The following NKAIN1 variants were observed in gnomAD, a reference collection of about 807,000 sequenced individuals.
NKAIN1 encodes the protein sodium/potassium transporting ATPase interacting 1, also known as sodium/potassium-transporting ATPase subunit beta-1-interacting protein 1.
A neutral mutation model predicts 31.6 loss-of-function variants in NKAIN1; 13 were observed. The observed-to-expected ratio is 0.41, with a 90% confidence interval of 0.27 to 0.65. The LOEUF is 0.65. Among genes scored for constraint, NKAIN1 ranks in the 30% least tolerant of loss-of-function variants. The pLI is 0.30. For missense variants in NKAIN1, 193 were observed against 262.2 expected (o/e 0.74, Z 1.82); for synonymous variants, 104 against 109.0 (o/e 0.95, Z 0.28).
rs71569969 is a variant in NKAIN1 at position 31,209,989 on chromosome 1, TAA to T, written c.55-21804_55-21803del. On this transcript the variant is annotated intron_variant, in intron 1 of 6. Coordinates refer to ENST00000373736, the MANE Select transcript of NKAIN1 (RefSeq NM_024522.3). ...GCAACAGAGCATGACCCTGTCTTAT[TAA>T]AAAAAAAAAAAAAAGATAAGAATGA... 5.2e-4 allele frequency among the ~76,000 whole-genome samples: 71 copies of T among 137,122 alleles called. 1 individual carries two copies. Among genetic ancestry groups the T allele is most frequent in the Middle Eastern group, 3.8e-3 (1 of 262 alleles). 90.0% of individuals were successfully genotyped at this position (137,122 alleles called of 152,430 possible). A position where few individuals can be genotyped will look rare whatever the true frequency, so the allele number is the denominator to read the frequency against.
intron 1 of NKAIN1, among the ~76,000 whole-genome samples, chr1:31,216,368 A>C (rs969025404): frequency 9.9e-5 from 15 of 152,150 alleles, no homozygotes; most frequent in Admixed American, 2.0e-4. Context: ...TGACACTGTG[A>C]GGGAATCATA....
chr1:31,220,862 G>A (rs1343061556), intron 1 of NKAIN1, among the ~76,000 whole-genome samples: 2 of 152,048 alleles, frequency 1.3e-5, no homozygotes, highest in South Asian at 2.1e-4. Context: ...CTGCTCTTGG[G>A]GTTCATTCAA....
chr1:31,203,748 C>A (rs1645402687), intron 1 of NKAIN1, among the ~76,000 whole-genome samples: 1 of 152,000 alleles, frequency 6.6e-6, no homozygotes, highest in Non-Finnish European at 1.5e-5. Flanking sequence ...CCACGCCTGG[C>A]CAATTTCTGT....
In NKAIN1 at chr1:31,239,368, C is replaced by G; in HGVS notation, c.54+126G>C. ...GCCCGACCGCTCCGAGACTCCAGAC[C>G]ACCCCCCGCCCGGGCACACGCACCA... On this transcript the variant is annotated intron_variant, in intron 1 of 6. Coordinates refer to ENST00000373736, the MANE Select transcript of NKAIN1 (RefSeq NM_024522.3). The surrounding 1 kb of genome is among the most constrained non-coding windows in gnomAD (Gnocchi z 4.8). The G allele has an allele frequency of 3.1e-6, 2 of 635,674 alleles. No individual in the cohort carries two copies. The highest frequency in any genetic ancestry group is 4.6e-6 in the Non-Finnish European group (2 of 434,850). The allele number at this position is 635,674 out of a possible 1,614,324, so 39.4% of individuals were successfully genotyped here.
intron 1 of NKAIN1, among the ~76,000 whole-genome samples, chr1:31,218,037 TTTC>T (rs1479477217): frequency 1.2e-5 from 1 of 83,716 alleles, no homozygotes; most frequent in Non-Finnish European, 2.2e-5. Context: ...TCTTTCTTTC[TTTC>T]TTTCTTTCTT....
chr1:31,191,927 C>T (rs147982595), intron 1 of NKAIN1, among the ~76,000 whole-genome samples: 228 of 152,284 alleles, frequency 1.5e-3, no homozygotes, highest in African/African-American at 5.4e-3. Context: ...AGGCATGTGC[C>T]ATCACATCTG....
chr1:31,185,683 T>C (rs1240942026), intron 2 of NKAIN1, among the ~76,000 whole-genome samples: 1 of 152,198 alleles, frequency 6.6e-6, no homozygotes, highest in Non-Finnish European at 1.5e-5. Flanking sequence ...GTCTCTAGAA[T>C]ACTGGAATCA....
At chr1:31,224,949 C>T (rs922335270) in intron 1 of NKAIN1, among the ~76,000 whole-genome samples, 3 of 152,086 alleles carry the variant, frequency 2.0e-5, no homozygotes, top group Admixed American at 6.5e-5. Flanking sequence ...GCGGACACTG[C>T]ACATGGAGAT....
At chr1:31,182,692 T>C (rs1032406873) in intron 4 of NKAIN1, 102 bp from the exon 5 acceptor site, 8 of 1,291,780 alleles carry the variant, frequency 6.2e-6, no homozygotes, top group African/African-American at 2.9e-5. Flanking sequence ...GGAGGAGGCA[T>C]GCCAGGATGA....
intron 1 of NKAIN1, among the ~76,000 whole-genome samples, chr1:31,211,569 C>T (rs1645469208): frequency 6.7e-6 from 1 of 149,192 alleles, no homozygotes; most frequent in Non-Finnish European, 1.5e-5. Flanking sequence ...AATTGATCTA[C>T]AGATTCAATG....
chr1:31,204,943 G>A (rs983324856), intron 1 of NKAIN1, among the ~76,000 whole-genome samples: 3 of 152,114 alleles, frequency 2.0e-5, no homozygotes, highest in African/African-American at 7.2e-5. Flanking sequence ...CTCTGCACTC[G>A]GGCAGGCCTG....
chr1:31,220,825 T>C (rs1645559464), intron 1 of NKAIN1, among the ~76,000 whole-genome samples: 3 of 151,486 alleles, frequency 2.0e-5, no homozygotes, highest in South Asian at 4.2e-4. Flanking sequence ...ACTTTGTGAT[T>C]TGTGATTATT....
chr1:31,203,289 T>G (rs112228574), intron 1 of NKAIN1, among the ~76,000 whole-genome samples: 65 of 148,394 alleles, frequency 4.4e-4, no homozygotes, highest in African/African-American at 1.5e-3. Context: ...TAAAATAAAA[T>G]AAATAAAAAA....
intron 1 of NKAIN1, among the ~76,000 whole-genome samples, chr1:31,195,499 A>T (rs546298304): frequency 3.4e-4 from 52 of 151,978 alleles, no homozygotes; most frequent in African/African-American, 1.1e-3. Context: ...CTCTGGATCC[A>T]GCTCCTCCTG....
Position 31,232,911 on chromosome 1 carries a change from T to C in NKAIN1, c.54+6583A>G, listed in dbSNP as rs116179834. On this transcript the variant is annotated intron_variant, in intron 1 of 6. Coordinates refer to ENST00000373736, the MANE Select transcript of NKAIN1 (RefSeq NM_024522.3). Reference sequence around the variant, plus strand: ...GAGCCTCAGTATGTCCATCAGTTAATGGGTATAAAAACCACACCTATCTCA... The same window carrying C: ...GAGCCTCAGTATGTCCATCAGTTAACGGGTATAAAAACCACACCTATCTCA... 2.9e-3 allele frequency among the ~76,000 whole-genome samples: 435 copies of C among 152,226 alleles called. 2 individuals are homozygous for C. The highest frequency in any genetic ancestry group is 9.3e-3 in the African/African-American group (387 of 41,542).
intron 1 of NKAIN1, among the ~76,000 whole-genome samples, chr1:31,220,718 G>GCA (rs1256666057): frequency 6.9e-5 from 9 of 129,818 alleles, no homozygotes; most frequent in Non-Finnish European, 9.1e-5. Flanking sequence ...TAGTGCCACT[G>GCA]CACTCCAGCC....
intron 1 of NKAIN1, among the ~76,000 whole-genome samples, chr1:31,201,557 T>A (rs1466686532): frequency 6.6e-6 from 1 of 151,982 alleles, no homozygotes; most frequent in Non-Finnish European, 1.5e-5. Context: ...GAGACAGGGT[T>A]TCACCGTGTT....
At chr1:31,203,623 C>G (rs1248283921) in intron 1 of NKAIN1, among the ~76,000 whole-genome samples, 1 of 144,356 alleles carries the variant, frequency 6.9e-6, no homozygotes, top group East Asian at 2.0e-4. Context: ...CTTGCTCTGT[C>G]ACCCAGGCTG....
At chr1:31,183,398 A>G (rs1159898726) in intron 4 of NKAIN1, among the ~76,000 whole-genome samples, 1 of 150,296 alleles carries the variant, frequency 6.7e-6, no homozygotes, top group Admixed American at 6.6e-5. Flanking sequence ...AGATCCAGAC[A>G]AAAGGACAGA....
Sources: allele counts gnomAD v4.1 joint callset (sites outside exome capture counted in the v4.1 genomes callset), GRCh38; gene constraint gnomAD v4.1.1; non-coding constraint Gnocchi (gnomAD v3.1); transcripts MANE v1.5; gene names NCBI Gene and HGNC (gene_info 2026-07-23, HGNC 2026-07-21).